The following SBF1 variants were observed in gnomAD, a reference collection of about 807,000 sequenced individuals.
SBF1 encodes the protein SET binding factor 1.
In SBF1, 65 loss-of-function variants were observed where a neutral mutation model predicts 215.8. The ratio of observed to expected loss-of-function variants is 0.30; its 90% confidence interval spans 0.25 to 0.37. The LOEUF is 0.37. Among genes scored for constraint, SBF1 ranks in the 10% least tolerant of loss-of-function variants. The probability of loss-of-function intolerance (pLI) is 1.00; values close to 1 mark genes in which losing one functional copy is unlikely to be tolerated. For synonymous variants in SBF1, 1,410 were observed against 1,122.8 expected (o/e 1.26, Z -5.11); for missense variants, 2,634 against 2,667.8 (o/e 0.99, Z 0.28).
chr22:50,448,758 CGT>C (rs2066932919), intron 36 of SBF1, 108 bp from the exon 37 acceptor site: 5 of 798,046 alleles, frequency 6.3e-6, no homozygotes, highest in Non-Finnish European at 2.0e-6. Context: ...AGGCCTAACG[CGT>C]GTGTGACTGG....
Position 50,465,280 on chromosome 22 carries a change from G to A in SBF1, c.1138C>T (p.Gln380Ter), listed in dbSNP as rs1556432069. ...ACGTGCAGGCACCAGCGATAGCCCT[G>A]CAGCAGCTGAGCGAACAGCCGCAGG... ...VFLRLFAQLL[Q>*]GYRWCLHVVR... The change falls in exon 11 of 41, where the codon CAG becomes TAG. Residue 380 changes from glutamine to a stop codon, truncating the protein, a stop_gained. Coordinates refer to ENST00000380817, the MANE Select transcript of SBF1 (RefSeq NM_002972.4). LOFTEE classifies it high-confidence loss of function. The A allele has an allele frequency of 6.2e-7, 1 of 1,609,864 alleles. No individual in the cohort carries two copies. Among genetic ancestry groups the A allele is most frequent in the Non-Finnish European group, 8.5e-7 (1 of 1,178,686 alleles).
intron 1 of SBF1, among the ~76,000 whole-genome samples, chr22:50,471,690 C>T (rs2068001958): frequency 6.6e-6 from 1 of 152,168 alleles, no homozygotes; most frequent in African/African-American, 2.4e-5. Flanking sequence ...CCCCCCCAAC[C>T]TCCCCTGCCC....
At chr22:50,461,487 G>A (rs762848928) in intron 22 of SBF1, 36 bp downstream of exon 22, 2 of 1,559,064 alleles carry the variant, frequency 1.3e-6, no homozygotes, top group East Asian at 4.5e-5. Context: ...ACCTGGGGGA[G>A]AGGGGGCGAC....
chr22:50,449,763 C>T (rs556481214), intron 36 of SBF1, among the ~76,000 whole-genome samples: 5 of 152,274 alleles, frequency 3.3e-5, no homozygotes, highest in African/African-American at 7.2e-5. Context: ...ATAAAACTGA[C>T]GGCTGACTTC....
rs2066861410 is a variant in SBF1 at position 50,447,146 on chromosome 22, G to A, written c.5678C>T (p.Ala1893Val). ...AGCCGGGCAGGGCTGGGAGGCTCAG[G>A]CGTCCGACAGGCAGCTCTGGATCCG... ...VDRIQSCLSD[A>V] Residue 1893 changes from alanine (A) to valine (V), a missense_variant, in exon 41 of 41, where the codon GCC becomes GTC. Ala to Val is a moderately conservative substitution (Grantham distance 64, BLOSUM62 0). Transcript: ENST00000380817. 1 of 1,611,798 alleles carries A rather than the reference G, an allele frequency of 6.2e-7. No individual in the cohort carries two copies. Among genetic ancestry groups the A allele is most frequent in the African/African-American group, 1.3e-5 (1 of 75,040 alleles).
At chr22:50,454,273 A>G (rs927888349) in intron 36 of SBF1, among the ~76,000 whole-genome samples, 2 of 152,064 alleles carry the variant, frequency 1.3e-5, no homozygotes, top group African/African-American at 4.8e-5. Context: ...AGGGTCTCTG[A>G]TGACGGCCCT....
intron 11 of SBF1, 41 bp downstream of exon 11, chr22:50,465,174 C>A (rs933960469): frequency 1.2e-6 from 2 of 1,613,604 alleles, no homozygotes; most frequent in South Asian, 1.1e-5. Context: ...CTCCACCATG[C>A]GCTTATCTCC....
At chr22:50,448,154 T>C (rs2066908942) in intron 38 of SBF1, 79 bp downstream of exon 38, 5 of 1,422,442 alleles carry the variant, frequency 3.5e-6, no homozygotes, top group Admixed American at 3.5e-5. Flanking sequence ...GCACCCGCAA[T>C]CTCCCACCAG....
At chr22:50,471,349 G>A (rs12484539) in intron 1 of SBF1, among the ~76,000 whole-genome samples, 2,826 of 152,290 alleles carry the variant, frequency 0.019, 25 homozygotes, top group Middle Eastern at 0.031. Context: ...GCGGGCAGGC[G>A]AACACAGACC....
Position 50,457,020 on chromosome 22 carries a change from G to A in SBF1, c.3904+14C>T. 2 of 1,421,434 alleles carry A rather than the reference G, an allele frequency of 1.4e-6. No homozygotes were observed. The highest frequency in any genetic ancestry group is 1.8e-6 in the Non-Finnish European group (2 of 1,088,198). The allele number at this position is 1,421,434 out of a possible 1,614,324, so 88.1% of individuals were successfully genotyped here. A position where few individuals can be genotyped will look rare whatever the true frequency, so the allele number is the denominator to read the frequency against. ...AGTAAGGGGAGGCGGGCCTGCGCAG[G>A]CTCGGTACGGTACCTCGGGGTGCGG... On this transcript the variant is annotated intron_variant, in intron 29 of 40. Transcript: ENST00000380817.
chr22:50,447,679 TC>T (rs551382360), intron 38 of SBF1, 70 bp from the exon 39 acceptor site: 49 of 1,166,920 alleles, frequency 4.2e-5, no homozygotes, highest in South Asian at 2.8e-4. Context: ...CCAGCAGTCG[TC>T]CCCCCCTTGC....
rs748830273 is a variant in SBF1 at position 50,461,808 on chromosome 22, C to T, written c.2631G>A (p.Pro877=). The T allele has an allele frequency of 6.2e-6, 10 of 1,613,410 alleles. No individual in the cohort carries two copies. The highest frequency in any genetic ancestry group is 1.7e-4 in the Middle Eastern group (1 of 6,060). Residue 877 remains proline (P), a synonymous_variant, in exon 21 of 41, where the codon CCG becomes CCA. Transcript: ENST00000380817. Reference sequence around the variant, plus strand: ...GGCCCCCGCAAACCTTCTGGATGGGCGGCAGCCTCCGGCTCTCCCGCTGCA... The same window carrying T: ...GGCCCCCGCAAACCTTCTGGATGGGTGGCAGCCTCCGGCTCTCCCGCTGCA... The part of the protein sequence containing the change: ...EAVQRESRRL[P]PIQKPKLLRP...
In SBF1 at chr22:50,465,320, C is replaced by A. The variant is rs1462863275; in HGVS notation, c.1098G>T (p.Glu366Asp). 7.6e-6 allele frequency: 12 copies of A among 1,587,590 alleles called. No individual in the cohort carries two copies. The highest frequency in any genetic ancestry group is 1.3e-5 in the African/African-American group (1 of 74,866). ...ACAGCCGCAGGAAGACCGCGCGCAG[C>A]TCCTTGTCCTGGGAGAAGAGCTGAG... ...STSSLKMQDK[E>D]LRAVFLRLFA... The change falls in exon 11 of 41, where the codon GAG becomes GAT. Residue 366 changes from glutamate to aspartate, a missense_variant. Coordinates refer to ENST00000380817, the MANE Select transcript of SBF1 (RefSeq NM_002972.4).
At chr22:50,448,137 C>T in intron 38 of SBF1, 96 bp downstream of exon 38, 1 of 1,299,738 alleles carries the variant, frequency 7.7e-7, no homozygotes, top group Non-Finnish European at 1.1e-6. Flanking sequence ...AAGCAAGCTC[C>T]TCAAAAGCAC....
In SBF1 at chr22:50,461,524, C is replaced by G. The variant is rs2067512183; in HGVS notation, c.2838G>C (p.Leu946=). The change falls in exon 22 of 41, where the codon CTG becomes CTC. Residue 946 remains leucine (L), a splice_region_variant and synonymous_variant. Coordinates refer to ENST00000380817, the MANE Select transcript of SBF1 (RefSeq NM_002972.4). ...GGGCCAGAGAGTCTGCAGGCTCACC[C>G]AGGGGGTCCGTGGGCATCCCCGTGA... ...VIFTGMPTDP[L]VGEQVVVRSF... 1 of 1,595,682 alleles carries G rather than the reference C, an allele frequency of 6.3e-7. No homozygotes were observed. Among genetic ancestry groups the G allele is most frequent in the Non-Finnish European group, 8.6e-7 (1 of 1,167,710 alleles).
In SBF1 at chr22:50,462,857, T is replaced by C. The variant is rs2067580141; in HGVS notation, c.1968+13A>G. 1 of 1,612,836 alleles carries C rather than the reference T, an allele frequency of 6.2e-7. No homozygotes were observed. The highest frequency in any genetic ancestry group is 8.5e-7 in the Non-Finnish European group (1 of 1,179,876). On this transcript the variant is annotated intron_variant, in intron 17 of 40. Coordinates refer to ENST00000380817, the MANE Select transcript of SBF1 (RefSeq NM_002972.4). ...GGGGCTGGGAAGGAGACCTCAGCCA[T>C]GCCAGCACTCACCCGGCAGAAGGCT...
At chr22:50,455,861 C>A in intron 31 of SBF1, 1 of 574,808 alleles carries the variant, frequency 1.7e-6, no homozygotes, top group Non-Finnish European at 3.1e-6. Flanking sequence ...TACCTTCAAG[C>A]CCTCCAGTGT....
In SBF1 at chr22:50,445,188, G is replaced by C. The variant is rs962013038; in HGVS notation, c.*1954C>G. ...TTTTGTGGGCCCGCCACCCCCCAGC[G>C]TTATCCCCGTGTAATGGGTGGAGGC... On this transcript the variant is annotated 3_prime_UTR_variant, in exon 41 of 41. Transcript: ENST00000380817. 1 of 152,360 alleles carries C rather than the reference G, an allele frequency of 6.6e-6. No individual in the cohort carries two copies. Among genetic ancestry groups the C allele is most frequent in the East Asian group, 1.9e-4 (1 of 5,186 alleles). The allele number at this position is 152,360 out of a possible 1,614,324, so 9.4% of individuals were successfully genotyped here.
At chr22:50,457,004 A>C in intron 29 of SBF1, 30 bp downstream of exon 29, 1 of 1,398,782 alleles carries the variant, frequency 7.1e-7, no homozygotes, top group Non-Finnish European at 9.3e-7. Context: ...AAGTAAGGGG[A>C]GGCGGGCCTG....
Sources: allele counts gnomAD v4.1 joint callset (sites outside exome capture counted in the v4.1 genomes callset), GRCh38; gene constraint gnomAD v4.1.1; transcripts MANE v1.5; gene names NCBI Gene and HGNC (gene_info 2026-07-23, HGNC 2026-07-21).